DCP1A: variants seen among roughly 807,000 people sequenced by gnomAD.
DCP1A encodes decapping mRNA 1A, also known as mRNA-decapping enzyme 1A.
In DCP1A, 20 loss-of-function variants were observed where a neutral mutation model predicts 58.0. That is an observed-to-expected ratio of 0.34 (90% CI 0.24 to 0.50). The LOEUF is 0.50. Ranked by LOEUF, DCP1A falls within the 20% of genes least tolerant of loss-of-function variation. The pLI is 0.98. For missense variants in DCP1A, 613 were observed against 712.2 expected (o/e 0.86, Z 1.59); for synonymous variants, 285 against 275.1 (o/e 1.04, Z -0.36).
rs35716152 is a variant in DCP1A at position 53,287,342 on chromosome 3, CTTTTTTTTTT to C, written c.*228_*237del. The C allele has an allele frequency of 8.9e-4, 149 of 166,776 alleles. 1 individual carries two copies. Among genetic ancestry groups the C allele is most frequent in the South Asian group, 3.2e-3 (36 of 11,342 alleles). The allele number at this position is 166,776 out of a possible 1,614,324, so 10.3% of individuals were successfully genotyped here. ...CATAACTTAACACAATGATCGCTCT[CTTTTTTTTTT>C]TTTTTTTTTTTTTTTTTGTCAAAAC... On this transcript the variant is annotated 3_prime_UTR_variant, in exon 10 of 10. Transcript: ENST00000610213.
chr3:53,315,944 C>T (rs560963858), intron 4 of DCP1A, among the ~76,000 whole-genome samples: 3 of 151,768 alleles, frequency 2.0e-5, no homozygotes, highest in Non-Finnish European at 2.9e-5. Flanking sequence ...TTACTAGAGA[C>T]GAGGTTTCAC....
intron 6 of DCP1A, among the ~76,000 whole-genome samples, chr3:53,302,829 G>C (rs948142761): frequency 3.7e-4 from 57 of 152,052 alleles, no homozygotes; most frequent in Non-Finnish European, 5.9e-5. Context: ...CGCCATGTTG[G>C]CCAGGCTGGT....
In DCP1A at chr3:53,331,329, C is replaced by A. The variant is rs114405989; in HGVS notation, c.304+10815G>T. On this transcript the variant is annotated intron_variant, in intron 3 of 9. Transcript: ENST00000610213. Reference sequence around the variant, plus strand: ...GAAAAATCAGTTCTGTTTGCTTTTGCAAGTCACGTGCCACAAATGCTGCTT... The same window carrying A: ...GAAAAATCAGTTCTGTTTGCTTTTGAAAGTCACGTGCCACAAATGCTGCTT... Among the ~76,000 whole-genome samples the A allele has an allele frequency of 2.4e-3, 362 of 152,296 alleles. 1 individual carries two copies. Among genetic ancestry groups the A allele is most frequent in the African/African-American group, 8.1e-3 (336 of 41,552 alleles).
chr3:53,314,674 T>TTC (rs1707748233), intron 4 of DCP1A, among the ~76,000 whole-genome samples: 5 of 141,866 alleles, frequency 3.5e-5, no homozygotes, highest in African/African-American at 1.3e-4. Context: ...TTTCTTTTTT[T>TTC]TTTTTTTTTT....
At chr3:53,322,874 C>T (rs574927366) in intron 3 of DCP1A, among the ~76,000 whole-genome samples, 151 of 151,256 alleles carry the variant, frequency 1.0e-3, no homozygotes, top group Non-Finnish European at 1.7e-3. Context: ...TGCAGTGGCA[C>T]GATCTTGGCT....
chr3:53,309,238 G>A (rs948620468), intron 5 of DCP1A, among the ~76,000 whole-genome samples: 2 of 151,948 alleles, frequency 1.3e-5, no homozygotes, highest in African/African-American at 4.8e-5. Context: ...GGTCATAGTG[G>A]TGCATGCCTG....
intron 5 of DCP1A, among the ~76,000 whole-genome samples, chr3:53,306,633 T>C (rs1707482058): frequency 6.6e-6 from 1 of 151,394 alleles, no homozygotes; most frequent in Non-Finnish European, 1.5e-5. Context: ...TAGCCAGGCG[T>C]GGTGGTGGGC....
chr3:53,330,675 G>A (rs1367008969), intron 3 of DCP1A, among the ~76,000 whole-genome samples: 6 of 151,918 alleles, frequency 3.9e-5, no homozygotes, highest in East Asian at 1.9e-4. Flanking sequence ...CTTTATAAGC[G>A]CACAGTAGTT....
chr3:53,342,670 TCTC>T (rs1209556866), intron 2 of DCP1A, among the ~76,000 whole-genome samples: 1 of 152,228 alleles, frequency 6.6e-6, no homozygotes, highest in Admixed American at 6.5e-5. Flanking sequence ...AGCTATCTCA[TCTC>T]CTCCAAGCCT....
At chr3:53,325,444 T>A (rs1313025147) in intron 3 of DCP1A, among the ~76,000 whole-genome samples, 1 of 152,226 alleles carries the variant, frequency 6.6e-6, no homozygotes, top group Non-Finnish European at 1.5e-5. Context: ...GGTGGTGATG[T>A]TAAGAGTTAT....
chr3:53,291,991 T>G, intron 7 of DCP1A, 78 bp downstream of exon 7: 2 of 1,459,806 alleles, frequency 1.4e-6, no homozygotes, highest in Admixed American at 4.9e-5. Flanking sequence ...TCATGACAGT[T>G]AAAACCAAGG....
intron 5 of DCP1A, among the ~76,000 whole-genome samples, chr3:53,305,498 C>T (rs375133117): frequency 1.8e-4 from 28 of 152,038 alleles, no homozygotes; most frequent in East Asian, 1.7e-3. Flanking sequence ...TACAGGCGCG[C>T]GCCACCACAC....
At chr3:53,304,911 T>C (rs1553687864) in intron 5 of DCP1A, among the ~76,000 whole-genome samples, 2 of 152,042 alleles carry the variant, frequency 1.3e-5, no homozygotes, top group African/African-American at 4.8e-5. Context: ...AAAGCTAACA[T>C]ATGGTGAAAT....
chr3:53,288,317 T>G (rs1201116636), intron 8 of DCP1A, 34 bp from the exon 9 acceptor site: 1 of 1,556,138 alleles, frequency 6.4e-7, no homozygotes, highest in Non-Finnish European at 8.7e-7. Flanking sequence ...TGTACCGAAG[T>G]GCAGAAGCCA....
intron 5 of DCP1A, among the ~76,000 whole-genome samples, chr3:53,311,138 T>C (rs142536343): frequency 1.1e-3 from 162 of 152,338 alleles, no homozygotes; most frequent in African/African-American, 3.6e-3. Flanking sequence ...TTGAAGCTTT[T>C]TTCAGGATCA....
At chr3:53,328,299 A>AT in intron 3 of DCP1A, among the ~76,000 whole-genome samples, 1 of 152,258 alleles carries the variant, frequency 6.6e-6, no homozygotes, top group South Asian at 2.1e-4. Flanking sequence ...CTCTGTTTCA[A>AT]TTTTTACCTA....
chr3:53,306,881 C>G (rs368681852), intron 5 of DCP1A, among the ~76,000 whole-genome samples: 61 of 147,634 alleles, frequency 4.1e-4, no homozygotes, highest in African/African-American at 1.3e-3. Flanking sequence ...TTTTCTTTTG[C>G]TATTTTTTTG....
chr3:53,333,815 C>G (rs945171560), intron 3 of DCP1A, among the ~76,000 whole-genome samples: 2 of 152,114 alleles, frequency 1.3e-5, no homozygotes, highest in Non-Finnish European at 2.9e-5. Flanking sequence ...TATGTGGTAA[C>G]TTTTATCCCT....
chr3:53,313,361 G>A (rs1707705299), intron 4 of DCP1A, among the ~76,000 whole-genome samples: 1 of 151,628 alleles, frequency 6.6e-6, no homozygotes. Flanking sequence ...AGAGGCTGCA[G>A]TGAACTGAGA....
Sources: gnomAD v4.1 joint callset for allele counts (sites outside exome capture counted in the v4.1 genomes callset) on GRCh38, gnomAD v4.1.1 for gene constraint, MANE v1.5 for transcripts, NCBI Gene and HGNC (gene_info 2026-07-23, HGNC 2026-07-21) for gene names.